Variants in PXDNL observed in about 807,000 individuals in gnomAD.
PXDNL encodes the protein probable oxidoreductase PXDNL.
In PXDNL, 145 loss-of-function variants were observed where a neutral mutation model predicts 150.8. That is an observed-to-expected ratio of 0.96 (90% CI 0.84 to 1.10). The LOEUF (loss-of-function observed/expected upper bound fraction) is 1.10, where lower values mean the gene tolerates loss of function less well. PXDNL is among the 50% of genes least tolerant of loss of function. The pLI, the probability that PXDNL is intolerant of heterozygous loss-of-function variation, is 0.00. For missense variants in PXDNL, 2,087 were observed against 1,873.9 expected (o/e 1.11, Z -2.10); for synonymous variants, 757 against 725.7 (o/e 1.04, Z -0.69).
intron 16 of PXDNL, among the ~76,000 whole-genome samples, chr8:51,410,386 G>T (rs1435492674): frequency 1.3e-5 from 2 of 152,176 alleles, no homozygotes; most frequent in Non-Finnish European, 2.9e-5. Flanking sequence ...ATCCATGTTA[G>T]CCAGTCCCTG....
At chr8:51,805,445 T>C (rs1453493832) in intron 1 of PXDNL, among the ~76,000 whole-genome samples, 2 of 148,016 alleles carry the variant, frequency 1.4e-5, no homozygotes, top group African/African-American at 4.9e-5. Flanking sequence ...TATGTATATA[T>C]ACAAAATGAT....
chr8:51,339,750 T>G lies in PXDNL; in HGVS notation c.4020A>C (p.Gln1340His). Residue 1340 changes from glutamine to histidine, a missense_variant, in exon 21 of 23, where the codon CAA becomes CAC. Transcript: ENST00000356297. ...CTTCACCCACATATATTTTATCTTG[T>G]TGCCTATTTATAACAAGAAGCAAAT... ...DMELSHLRSR[Q>H]QDKIYVGEDA... The G allele has an allele frequency of 1.9e-6, 3 of 1,592,466 alleles. No homozygotes were observed. The highest frequency in any genetic ancestry group is 2.6e-6 in the Non-Finnish European group (3 of 1,172,406).
chr8:51,683,003 A>AG (rs1409309796), intron 1 of PXDNL, among the ~76,000 whole-genome samples: 1 of 151,620 alleles, frequency 6.6e-6, no homozygotes, highest in Non-Finnish European at 1.5e-5. Flanking sequence ...TTTTTGATAA[A>AG]TATTCAGAAG....
intron 12 of PXDNL, chr8:51,435,874 C>A: frequency 2.1e-6 from 1 of 467,332 alleles, no homozygotes; most frequent in South Asian, 1.7e-5. Context: ...CATTCTAAAG[C>A]AGATACTAAA....
chr8:51,776,942 A>G (rs1318046108), intron 1 of PXDNL, among the ~76,000 whole-genome samples: 1 of 152,178 alleles, frequency 6.6e-6, no homozygotes, highest in African/African-American at 2.4e-5. Flanking sequence ...ACAGTCCACA[A>G]CAGATGGCCC....
intron 8 of PXDNL, among the ~76,000 whole-genome samples, chr8:51,466,657 CTAA>C (rs1457799047): frequency 6.6e-6 from 1 of 152,124 alleles, no homozygotes; most frequent in Non-Finnish European, 1.5e-5. Context: ...TGACAAAAGC[CTAA>C]TATCCTGAAT....
intron 4 of PXDNL, among the ~76,000 whole-genome samples, chr8:51,511,395 T>C (rs2130345811): frequency 6.6e-6 from 1 of 152,258 alleles, no homozygotes; most frequent in East Asian, 1.9e-4. Context: ...CAGCATACAA[T>C]AGAGCAATAC....
At chr8:51,569,254 T>C (rs1367931377) in intron 3 of PXDNL, among the ~76,000 whole-genome samples, 1 of 151,978 alleles carries the variant, frequency 6.6e-6, no homozygotes, top group African/African-American at 2.4e-5. Context: ...TATTTTCATA[T>C]GGTTCAGTAA....
intron 17 of PXDNL, among the ~76,000 whole-genome samples, chr8:51,378,158 A>G (rs1807402739): frequency 6.6e-6 from 1 of 152,144 alleles, no homozygotes; most frequent in Non-Finnish European, 1.5e-5. Context: ...TTGTAAATAC[A>G]CCAATCAGCA....
intron 19 of PXDNL, among the ~76,000 whole-genome samples, chr8:51,368,357 C>A (rs770457470): frequency 6.6e-6 from 1 of 152,040 alleles, no homozygotes; most frequent in Non-Finnish European, 1.5e-5. Context: ...TGATGTAAAT[C>A]TTGACTGCAT....
intron 3 of PXDNL, among the ~76,000 whole-genome samples, chr8:51,560,192 T>C (rs1042651997): frequency 7.9e-5 from 12 of 151,992 alleles, no homozygotes; most frequent in Admixed American, 3.9e-4. Context: ...AGATTTCCCA[T>C]ACTCATGGCC....
chr8:51,462,070 C>T (rs1416137871), intron 8 of PXDNL, among the ~76,000 whole-genome samples: 1 of 152,132 alleles, frequency 6.6e-6, no homozygotes, highest in African/African-American at 2.4e-5. Flanking sequence ...AGAAAGCACA[C>T]AGAAGCAAAG....
chr8:51,774,645 TG>T (rs1327213915), intron 1 of PXDNL, among the ~76,000 whole-genome samples: 2 of 151,986 alleles, frequency 1.3e-5, no homozygotes, highest in Non-Finnish European at 2.9e-5. Context: ...AGTGAAACCC[TG>T]TCTCTACTAA....
At chr8:51,492,721 A>G (rs184223270) in intron 5 of PXDNL, among the ~76,000 whole-genome samples, 2 of 152,268 alleles carry the variant, frequency 1.3e-5, no homozygotes, top group Non-Finnish European at 2.9e-5. Flanking sequence ...GCAAGGAGGT[A>G]GTGAGGCTGG....
intron 12 of PXDNL, among the ~76,000 whole-genome samples, chr8:51,429,675 T>G (rs1266728326): frequency 6.8e-6 from 1 of 147,654 alleles, no homozygotes; most frequent in Non-Finnish European, 1.5e-5. Flanking sequence ...CCTCGTGTTC[T>G]TTTTTTCCTT....
chr8:51,564,807 G>C (rs1357639126), intron 3 of PXDNL, among the ~76,000 whole-genome samples: 4 of 151,870 alleles, frequency 2.6e-5, no homozygotes, highest in Non-Finnish European at 5.9e-5. Flanking sequence ...TTTGTATATG[G>C]GAAAGCAATT....
At chr8:51,463,376 CA>C (rs1348361658) in intron 8 of PXDNL, among the ~76,000 whole-genome samples, 4 of 152,268 alleles carry the variant, frequency 2.6e-5, no homozygotes, top group African/African-American at 9.6e-5. Flanking sequence ...CTGTCTTCAA[CA>C]GACTCATCTC....
At chr8:51,640,997 C>A (rs957756545) in intron 2 of PXDNL, among the ~76,000 whole-genome samples, 16 of 152,064 alleles carry the variant, frequency 1.1e-4, no homozygotes, top group Non-Finnish European at 1.9e-4. Flanking sequence ...GTACTGGTAC[C>A]AAAACAGAGA....
At chr8:51,407,361 G>A (rs1417580681) in intron 17 of PXDNL, among the ~76,000 whole-genome samples, 1 of 152,076 alleles carries the variant, frequency 6.6e-6, no homozygotes, top group African/African-American at 2.4e-5. Context: ...ATATTTCACA[G>A]AAATATACCT....
Sources: allele counts gnomAD v4.1 joint callset (sites outside exome capture counted in the v4.1 genomes callset), GRCh38; gene constraint gnomAD v4.1.1; transcripts MANE v1.5; gene names NCBI Gene and HGNC (gene_info 2026-07-23, HGNC 2026-07-21).